FGF12: variants seen among roughly 807,000 people sequenced by gnomAD.
FGF12 encodes the protein fibroblast growth factor 12B.
A neutral mutation model predicts 23.6 loss-of-function variants in FGF12; 14 were observed. The observed-to-expected ratio is 0.59, with a 90% confidence interval of 0.39 to 0.93. FGF12 has a LOEUF of 0.93. Among genes scored for constraint, FGF12 ranks in the 40% least tolerant of loss-of-function variants. The probability of loss-of-function intolerance (pLI) is 0.00; values close to 1 mark genes in which losing one functional copy is unlikely to be tolerated. For synonymous variants in FGF12, 62 were observed against 77.3 expected, an observed-to-expected ratio of 0.80 and a Z score of 1.04; for missense variants, 175 against 217.8, an observed-to-expected ratio of 0.80 and a Z score of 1.24.
intron 2 of FGF12, among the ~76,000 whole-genome samples, chr3:192,594,281 G>T (rs1163923544): frequency 1.3e-5 from 2 of 151,846 alleles, no homozygotes; most frequent in African/African-American, 4.8e-5. Context: ...TGGTTTGCAA[G>T]GTGGCAATCC....
chr3:192,535,857 T>C (rs533987547), intron 2 of FGF12, among the ~76,000 whole-genome samples: 1 of 152,278 alleles, frequency 6.6e-6, no homozygotes, highest in African/African-American at 2.4e-5. Context: ...ATGAAGCAAG[T>C]GTTCTAGAGC....
chr3:192,149,960 G>A (rs62295814), intron 5 of FGF12, among the ~76,000 whole-genome samples: 16 of 113,672 alleles, frequency 1.4e-4, no homozygotes, highest in South Asian at 3.1e-4. Context: ...ATTTCTCCAC[G>A]TCCTCTCCAG....
intron 2 of FGF12, among the ~76,000 whole-genome samples, chr3:192,427,353 TG>T (rs1721720019): frequency 6.7e-6 from 1 of 148,602 alleles, no homozygotes; most frequent in South Asian, 2.1e-4. Context: ...CACTTCAGCC[TG>T]GGCGACAGAG....
At chr3:192,680,365 A>G (rs1717478819) in intron 2 of FGF12, among the ~76,000 whole-genome samples, 1 of 152,206 alleles carries the variant, frequency 6.6e-6, no homozygotes, top group African/African-American at 2.4e-5. Context: ...ACACAAGGGG[A>G]AAGAGGTCCA....
At chr3:192,632,249 A>C (rs2108657285) in intron 2 of FGF12, among the ~76,000 whole-genome samples, 1 of 152,292 alleles carries the variant, frequency 6.6e-6, no homozygotes, top group East Asian at 1.9e-4. Context: ...TTCAACACCC[A>C]CTGAAATTTT....
At chr3:192,652,166 G>A (rs914292093) in intron 2 of FGF12, among the ~76,000 whole-genome samples, 1 of 152,158 alleles carries the variant, frequency 6.6e-6, no homozygotes, top group Admixed American at 6.5e-5. Context: ...GTATGCCATG[G>A]GCACATGTTA....
At chr3:192,154,911 G>T (rs1714289411) in intron 5 of FGF12, among the ~76,000 whole-genome samples, 2 of 136,012 alleles carry the variant, frequency 1.5e-5, no homozygotes, top group Non-Finnish European at 3.3e-5. Context: ...CCCTCCCCCA[G>T]CCTCGCTGCC....
chr3:192,709,555 C>G (rs1718595382), intron 2 of FGF12, among the ~76,000 whole-genome samples: 2 of 152,318 alleles, frequency 1.3e-5, no homozygotes, highest in South Asian at 4.1e-4. Flanking sequence ...ACCTAAGTTT[C>G]AGTCTTGACT....
chr3:192,655,895 A>G (rs1577102309), intron 2 of FGF12, among the ~76,000 whole-genome samples: 1 of 152,068 alleles, frequency 6.6e-6, no homozygotes, highest in East Asian at 1.9e-4. Flanking sequence ...AAGCATGAGG[A>G]TTTTAGAGCG....
At chr3:192,324,766 C>T (rs1419126778) in intron 4 of FGF12, among the ~76,000 whole-genome samples, 1 of 152,118 alleles carries the variant, frequency 6.6e-6, no homozygotes, top group Non-Finnish European at 1.5e-5. Context: ...ACTTGTTGGC[C>T]TAATGTGGCT....
intron 2 of FGF12, among the ~76,000 whole-genome samples, chr3:192,467,751 C>T (rs953740412): frequency 6.6e-6 from 1 of 152,138 alleles, no homozygotes; most frequent in Non-Finnish European, 1.5e-5. Flanking sequence ...ATGCCCAATG[C>T]CTCCCTGCTA....
chr3:192,662,970 C>T (rs987644710), intron 2 of FGF12, among the ~76,000 whole-genome samples: 4 of 152,150 alleles, frequency 2.6e-5, no homozygotes, highest in African/African-American at 9.7e-5. Flanking sequence ...GAGGCAATTC[C>T]CTTCTCTTTT....
chr3:192,403,076 T>A (rs938660272), intron 2 of FGF12, among the ~76,000 whole-genome samples: 1 of 151,994 alleles, frequency 6.6e-6, no homozygotes, highest in African/African-American at 2.4e-5. Flanking sequence ...CAAGAAAAAA[T>A]TGATCACTAT....
intron 2 of FGF12, among the ~76,000 whole-genome samples, chr3:192,720,032 C>T: frequency 6.6e-6 from 1 of 152,232 alleles, no homozygotes. Context: ...CTCTTCCTGC[C>T]TGCTTGGTAA....
rs549262153 is a variant in FGF12 at position 192,360,928 on chromosome 3, T to C, written c.14-390A>G. Among the ~76,000 whole-genome samples the C allele has an allele frequency of 1.3e-5, 2 of 152,244 alleles. No individual in the cohort carries two copies. The highest frequency in any genetic ancestry group is 2.1e-4 in the South Asian group (1 of 4,826). ...GTAATTTCTAAGTTTCTAGTAGCCA[T>C]AACCAGGTCCATAAGACTTCTATCT... On this transcript the variant is annotated intron_variant, in intron 2 of 5. Transcript: ENST00000445105. This position sits in a 1 kb window ranked among gnomAD's most constrained non-coding sequence, Gnocchi z 4.3.
intron 2 of FGF12, among the ~76,000 whole-genome samples, chr3:192,455,000 T>A (rs1722636163): frequency 6.6e-6 from 1 of 152,316 alleles, no homozygotes; most frequent in East Asian, 1.9e-4. Flanking sequence ...GGGAGAATAC[T>A]TTTTTAAAAA....
chr3:192,423,728 G>A (rs1297807673), intron 2 of FGF12, among the ~76,000 whole-genome samples: 1 of 152,098 alleles, frequency 6.6e-6, no homozygotes, highest in African/African-American at 2.4e-5. Context: ...CTGATTCTAC[G>A]ATCAGTGGTT....
At chr3:192,303,365 A>G (rs560646059) in intron 4 of FGF12, among the ~76,000 whole-genome samples, 1 of 152,082 alleles carries the variant, frequency 6.6e-6, no homozygotes, top group African/African-American at 2.4e-5. Context: ...GTCAACCTAG[A>G]CTCAGCTCCA....
At chr3:192,197,163 A>G (rs986938241) in intron 4 of FGF12, among the ~76,000 whole-genome samples, 5 of 152,318 alleles carry the variant, frequency 3.3e-5, no homozygotes, top group Admixed American at 6.5e-5. Context: ...GCAATTTTCT[A>G]TAAGTCTTTC....
Sources: allele counts gnomAD v4.1 joint callset (sites outside exome capture counted in the v4.1 genomes callset), GRCh38; gene constraint gnomAD v4.1.1; non-coding constraint Gnocchi (gnomAD v3.1); transcripts MANE v1.5; gene names NCBI Gene and HGNC (gene_info 2026-07-23, HGNC 2026-07-21).